Variants in CD96 observed in about 807,000 individuals in gnomAD.
CD96 encodes the protein T-cell surface protein tactile.
A neutral mutation model predicts 71.3 loss-of-function variants in CD96; 70 were observed. The observed-to-expected ratio is 0.98, with a 90% confidence interval of 0.81 to 1.20. The LOEUF (loss-of-function observed/expected upper bound fraction) is 1.20, where lower values mean the gene tolerates loss of function less well. CD96 is among the 50% of genes most tolerant of loss of function. The pLI is 0.00. For missense variants in CD96, 742 were observed against 677.5 expected (o/e 1.10, Z -1.06); for synonymous variants, 248 against 233.0 (o/e 1.06, Z -0.59).
intron 10 of CD96, among the ~76,000 whole-genome samples, chr3:111,627,023 A>C (rs1033391432): frequency 6.6e-6 from 1 of 152,230 alleles, no homozygotes; most frequent in Non-Finnish European, 1.5e-5. Flanking sequence ...ATCTGTGTAC[A>C]TGAGTAGGAG....
chr3:111,623,613 G>T (rs1281377654), intron 8 of CD96, 141 bp from the exon 9 acceptor site: 2 of 677,222 alleles, frequency 3.0e-6, no homozygotes, highest in South Asian at 1.7e-5. Context: ...TTTGGATTCG[G>T]TTTCATCATT....
intron 8 of CD96, among the ~76,000 whole-genome samples, chr3:111,607,347 A>T (rs1162384469): frequency 2.0e-5 from 3 of 152,224 alleles, no homozygotes; most frequent in African/African-American, 7.2e-5. Flanking sequence ...ATGTTGACAA[A>T]GTTGACTGGT....
intron 8 of CD96, among the ~76,000 whole-genome samples, chr3:111,610,813 A>G (rs914512739): frequency 1.3e-5 from 2 of 152,196 alleles, no homozygotes; most frequent in African/African-American, 4.8e-5. Flanking sequence ...CCTTGAGGAG[A>G]GAGCCCTGTG....
At chr3:111,662,563 C>A (rs1389550234) in intron 14 of CD96, among the ~76,000 whole-genome samples, 1 of 152,218 alleles carries the variant, frequency 6.6e-6, no homozygotes, top group African/African-American at 2.4e-5. Flanking sequence ...CACCAATTTA[C>A]TTGCTTTGCA....
At chr3:111,549,793 C>T (rs962791153) in intron 2 of CD96, among the ~76,000 whole-genome samples, 15 of 152,204 alleles carry the variant, frequency 9.9e-5, no homozygotes, top group African/African-American at 3.4e-4. Context: ...GGAAGATGAT[C>T]AGATCATACA....
At chr3:111,665,084 T>G (rs1483580533) in intron 14 of CD96, among the ~76,000 whole-genome samples, 1 of 152,154 alleles carries the variant, frequency 6.6e-6, no homozygotes. Context: ...TAGATATACA[T>G]GTATATGCAT....
intron 2 of CD96, among the ~76,000 whole-genome samples, chr3:111,556,810 C>T (rs1315383854): frequency 3.9e-5 from 6 of 151,914 alleles, no homozygotes; most frequent in Non-Finnish European, 8.8e-5. Context: ...AACTAGTTTA[C>T]AGTCCCACCA....
chr3:111,624,357 G>T lies in CD96; in HGVS notation c.1274G>T (p.Arg425Leu), dbSNP rs374177461. 6.8e-6 allele frequency: 11 copies of T among 1,612,198 alleles called. No individual in the cohort carries two copies. The East Asian group carries it at 2.5e-4, about 36-fold the overall frequency. ...GCCAGCAATTCCAGTATGACTACCC[G>T]AGGCTTCAACTATCCCTGGACCTCC... ...PQPSNSSMTTRGFNYPWTSSG... is the reference protein window; with the variant it reads ...PQPSNSSMTTLGFNYPWTSSG... Residue 425 changes from arginine (R) to leucine (L), a missense_variant, in exon 10 of 14, where the codon CGA (arginine) becomes CTA (leucine). By Grantham distance (102) the Arg-to-Leu change is moderately radical. Coordinates refer to ENST00000352690, the MANE Select transcript of CD96 (RefSeq NM_005816.5).
At chr3:111,562,664 T>C in intron 2 of CD96, among the ~76,000 whole-genome samples, 1 of 152,262 alleles carries the variant, frequency 6.6e-6, no homozygotes, top group East Asian at 1.9e-4. Context: ...TCCATTAGGC[T>C]TCCTCTCTTT....
intron 2 of CD96, among the ~76,000 whole-genome samples, chr3:111,550,033 T>C (rs1934614897): frequency 2.6e-5 from 4 of 152,058 alleles, no homozygotes; most frequent in Admixed American, 2.6e-4. Context: ...GCAGAGTCCA[T>C]GGTGACGGAT....
chr3:111,566,125 G>T (rs2107543559), intron 2 of CD96, among the ~76,000 whole-genome samples: 1 of 150,442 alleles, frequency 6.6e-6, no homozygotes, highest in South Asian at 2.1e-4. Context: ...CCTAGCCTTT[G>T]CCTTTTTATT....
chr3:111,569,692 C>T (rs7635078), intron 3 of CD96, among the ~76,000 whole-genome samples: 32,149 of 152,072 alleles, frequency 0.21, 3,698 homozygotes, highest in African/African-American at 0.28. Flanking sequence ...GGTATGTAAT[C>T]TGTTTTTCTA....
chr3:111,596,507 T>C (rs1466751084), intron 5 of CD96, among the ~76,000 whole-genome samples: 1 of 152,232 alleles, frequency 6.6e-6, no homozygotes, highest in Non-Finnish European at 1.5e-5. Context: ...CGTAAAATAA[T>C]AACACCCCCA....
chr3:111,588,954 C>CTTT (rs772858162), intron 5 of CD96, among the ~76,000 whole-genome samples: 2 of 136,262 alleles, frequency 1.5e-5, no homozygotes, highest in South Asian at 2.3e-4. Flanking sequence ...CTTTTTTTTT[C>CTTT]TTTTTTTTTT....
intron 5 of CD96, among the ~76,000 whole-genome samples, chr3:111,596,291 A>G (rs1376283359): frequency 6.6e-6 from 1 of 152,214 alleles, no homozygotes; most frequent in Non-Finnish European, 1.5e-5. Flanking sequence ...GGGGAAAAAG[A>G]TTCAAAATAG....
At chr3:111,622,502 G>A (rs1316774644) in intron 8 of CD96, among the ~76,000 whole-genome samples, 3 of 152,160 alleles carry the variant, frequency 2.0e-5, no homozygotes, top group African/African-American at 7.2e-5. Flanking sequence ...GGTTATCATT[G>A]ATGACCTCTG....
intron 2 of CD96, among the ~76,000 whole-genome samples, chr3:111,562,613 C>T (rs1935508041): frequency 6.6e-6 from 1 of 152,208 alleles, no homozygotes; most frequent in Non-Finnish European, 1.5e-5. Context: ...CTTTATTGGT[C>T]CAGCCATGAT....
chr3:111,555,660 C>T (rs1934966829), intron 2 of CD96, among the ~76,000 whole-genome samples: 1 of 152,272 alleles, frequency 6.6e-6, no homozygotes, highest in South Asian at 2.1e-4. Context: ...ATAATTTAGT[C>T]TTTCTTTTTG....
At chr3:111,552,707 A>C (rs1260418606) in intron 2 of CD96, among the ~76,000 whole-genome samples, 1 of 152,190 alleles carries the variant, frequency 6.6e-6, no homozygotes, top group Non-Finnish European at 1.5e-5. Flanking sequence ...CCACAGGCCA[A>C]GGTTTATGAC....
Sources: allele counts gnomAD v4.1 joint callset (sites outside exome capture counted in the v4.1 genomes callset), GRCh38; gene constraint gnomAD v4.1.1; transcripts MANE v1.5; gene names NCBI Gene and HGNC (gene_info 2026-07-23, HGNC 2026-07-21).